The following ARNT2 variants were observed in gnomAD, a reference collection of about 807,000 sequenced individuals.
ARNT2 encodes the protein aryl hydrocarbon receptor nuclear translocator 2, also known as ARNT protein 2.
A neutral mutation model predicts 91.7 loss-of-function variants in ARNT2; 36 were observed. The ratio of observed to expected loss-of-function variants is 0.39; its 90% CI spans 0.30 to 0.52. ARNT2 has a LOEUF of 0.52. Among genes scored for constraint, ARNT2 ranks in the 20% least tolerant of loss-of-function variants. ARNT2 has a pLI of 0.72. For synonymous variants in ARNT2, 365 were observed against 347.1 expected, an observed-to-expected ratio of 1.05 and a Z score of -0.57; for missense variants, 775 against 939.3, an observed-to-expected ratio of 0.83 and a Z score of 2.29.
intron 8 of ARNT2, among the ~76,000 whole-genome samples, chr15:80,547,351 T>C (rs1898005735): frequency 6.6e-6 from 1 of 152,154 alleles, no homozygotes; most frequent in Non-Finnish European, 1.5e-5. Flanking sequence ...AATTTAAAAA[T>C]GTTTAAATGC....
At chr15:80,508,361 G>T (rs28413079) in intron 6 of ARNT2, 103 bp downstream of exon 6, 24,210 of 1,105,134 alleles carry the variant, frequency 0.022, 850 homozygotes, top group African/African-American at 0.14. Flanking sequence ...ACATGCCAAC[G>T]TGGGTTCACT....
chr15:80,424,377 C>T (rs529433985), intron 1 of ARNT2, among the ~76,000 whole-genome samples: 2 of 152,188 alleles, frequency 1.3e-5, no homozygotes, highest in South Asian at 2.1e-4. Flanking sequence ...GCACACCACT[C>T]CCATGAGGTT....
At chr15:80,535,552 T>C (rs1160852874) in intron 8 of ARNT2, among the ~76,000 whole-genome samples, 1 of 152,236 alleles carries the variant, frequency 6.6e-6, no homozygotes, top group Non-Finnish European at 1.5e-5. Context: ...GTGAATTGCC[T>C]GTTCATGCTG....
chr15:80,474,815 G>A (rs954747501), intron 4 of ARNT2, among the ~76,000 whole-genome samples, 195 bp from the exon 5 acceptor site: 6 of 152,208 alleles, frequency 3.9e-5, no homozygotes, highest in African/African-American at 1.4e-4. Flanking sequence ...TACAGTAGCT[G>A]TATCGTAGGG....
chr15:80,422,551 GA>G (rs1895874376), intron 1 of ARNT2, among the ~76,000 whole-genome samples: 1 of 152,204 alleles, frequency 6.6e-6, no homozygotes, highest in Non-Finnish European at 1.5e-5. Flanking sequence ...AGGAACTTCT[GA>G]AGGTGTACTT....
chr15:80,433,461 T>C (rs1209032038), intron 1 of ARNT2, among the ~76,000 whole-genome samples: 1 of 151,748 alleles, frequency 6.6e-6, no homozygotes, highest in Non-Finnish European at 1.5e-5. Flanking sequence ...AATTTTTGTA[T>C]TTTTAGTAGA....
At chr15:80,485,627 C>T (rs1332774848) in intron 5 of ARNT2, among the ~76,000 whole-genome samples, 5 of 152,082 alleles carry the variant, frequency 3.3e-5, no homozygotes, top group Non-Finnish European at 7.4e-5. Flanking sequence ...GTGACTGATG[C>T]CTGGTGAGAT....
At chr15:80,421,870 T>C (rs1243372650) in intron 1 of ARNT2, among the ~76,000 whole-genome samples, 2 of 152,244 alleles carry the variant, frequency 1.3e-5, no homozygotes, top group Non-Finnish European at 2.9e-5. Context: ...GGCAGTCAGC[T>C]GGCTGGCAGT....
At chr15:80,504,916 G>T (rs1284195230) in intron 5 of ARNT2, among the ~76,000 whole-genome samples, 2 of 152,194 alleles carry the variant, frequency 1.3e-5, no homozygotes. Context: ...TGGAGTGGTG[G>T]GATGGCATAG....
At chr15:80,543,952 G>T (rs1233661317) in intron 8 of ARNT2, among the ~76,000 whole-genome samples, 1 of 152,036 alleles carries the variant, frequency 6.6e-6, no homozygotes, top group Admixed American at 6.6e-5. Context: ...TGTTGGTCAG[G>T]CTGGTCTCAA....
chr15:80,411,646 A>G (rs1895681748), intron 1 of ARNT2, among the ~76,000 whole-genome samples: 1 of 152,230 alleles, frequency 6.6e-6, no homozygotes, highest in South Asian at 2.1e-4. Context: ...GAAGAAGATT[A>G]GGTCAGAATT....
chr15:80,505,889 T>A (rs1004196766), intron 5 of ARNT2, among the ~76,000 whole-genome samples: 2 of 148,804 alleles, frequency 1.3e-5, no homozygotes, highest in Non-Finnish European at 3.0e-5. Context: ...AAGAGAGGTC[T>A]GGCTGTGTTA....
chr15:80,515,962 C>T (rs568599737), intron 8 of ARNT2, among the ~76,000 whole-genome samples: 31 of 151,706 alleles, frequency 2.0e-4, no homozygotes, highest in African/African-American at 6.8e-4. Flanking sequence ...CTCCACCTCC[C>T]GGGTTCAAGC....
chr15:80,511,688 CGTGGGAGGT>C (rs1203250970), intron 6 of ARNT2, among the ~76,000 whole-genome samples: 1 of 151,866 alleles, frequency 6.6e-6, no homozygotes, highest in Admixed American at 6.6e-5. Flanking sequence ...TGTGAAATCT[CGTGGGAGGT>C]GGGTATAGAC....
chr15:80,415,725 G>A (rs1248962573), intron 1 of ARNT2, among the ~76,000 whole-genome samples: 1 of 152,206 alleles, frequency 6.6e-6, no homozygotes, highest in Non-Finnish European at 1.5e-5. Context: ...AAGAGAGTAA[G>A]TGATGGACCA....
intron 1 of ARNT2, among the ~76,000 whole-genome samples, chr15:80,414,805 T>G (rs1895754256): frequency 6.6e-6 from 1 of 151,262 alleles, no homozygotes; most frequent in African/African-American, 2.4e-5. Context: ...GCCAGAAAAC[T>G]TCCAATTCAG....
At chr15:80,551,071 TG>T in intron 8 of ARNT2, 127 bp from the exon 9 acceptor site, 1 of 815,814 alleles carries the variant, frequency 1.2e-6, no homozygotes, top group South Asian at 1.6e-5. Context: ...ATTCATTGGC[TG>T]GCTTCCCAGC....
intron 3 of ARNT2, among the ~76,000 whole-genome samples, chr15:80,459,159 G>A (rs1896519209): frequency 2.0e-5 from 3 of 152,054 alleles, no homozygotes; most frequent in Admixed American, 1.3e-4. Context: ...ATACACTTTC[G>A]TCCCCAAAAT....
At chr15:80,459,980 A>G (rs953663601) in intron 3 of ARNT2, among the ~76,000 whole-genome samples, 2 of 152,178 alleles carry the variant, frequency 1.3e-5, no homozygotes, top group African/African-American at 4.8e-5. Flanking sequence ...CTTTGCAGTG[A>G]CTGTGGCTGC....
Sources: allele counts gnomAD v4.1 joint callset (sites outside exome capture counted in the v4.1 genomes callset), GRCh38; gene constraint gnomAD v4.1.1; transcripts MANE v1.5; gene names NCBI Gene and HGNC (gene_info 2026-07-23, HGNC 2026-07-21).